The following GRIN2A variants were observed in gnomAD, a reference collection of about 807,000 sequenced individuals.
GRIN2A encodes glutamate ionotropic receptor NMDA type subunit 2A.
In GRIN2A, 22 loss-of-function variants were observed where a neutral mutation model predicts 113.4. The observed-to-expected ratio is 0.19, with a 90% confidence interval of 0.14 to 0.28. The LOEUF is 0.28. Ranked by LOEUF, GRIN2A falls within the 10% of genes least tolerant of loss-of-function variation. The probability of loss-of-function intolerance (pLI) is 1.00; values close to 1 mark genes in which losing one functional copy is unlikely to be tolerated. For missense variants in GRIN2A, 1,502 were observed against 1,887.0 expected (o/e 0.80, Z 3.78); for synonymous variants, 827 against 738.4 (o/e 1.12, Z -1.94).
intron 2 of GRIN2A, among the ~76,000 whole-genome samples, chr16:10,085,082 GGA>G: frequency 6.6e-6 from 1 of 152,306 alleles, no homozygotes; most frequent in Admixed American, 6.5e-5. Context: ...AGCTTGGCAG[GGA>G]GAGTTTTGGT....
At position 10,180,198 on chromosome 16, in the gene GRIN2A, G is replaced by C; in HGVS notation, c.214C>G (p.Leu72Val). The change falls in exon 2 of 13, where the codon CTG becomes GTG. Residue 72 changes from leucine to valine, a missense_variant. By Grantham distance (32) the Leu-to-Val change is conservative. Coordinates refer to ENST00000330684, the MANE Select transcript of GRIN2A (RefSeq NM_001134407.3). The surrounding 1 kb of genome is among the most constrained non-coding windows in gnomAD (Gnocchi z 7.0). ...GLPLDVNVVA[L>V]LMNRTDPKSL... Reference sequence around the variant, plus strand: ...TTGGGGTCGGTGCGGTTCATCAGCAGAGCTACCACGTTCACGTCCAGGGGC... The same window carrying C: ...TTGGGGTCGGTGCGGTTCATCAGCACAGCTACCACGTTCACGTCCAGGGGC... 1 of 1,614,192 alleles carries C rather than the reference G, an allele frequency of 6.2e-7. No individual in the cohort carries two copies. Among genetic ancestry groups the C allele is most frequent in the Non-Finnish European group, 8.5e-7 (1 of 1,180,050 alleles).
chr16:10,155,920 A>G (rs919785618), intron 2 of GRIN2A, among the ~76,000 whole-genome samples: 2 of 152,206 alleles, frequency 1.3e-5, no homozygotes, highest in Non-Finnish European at 2.9e-5. Flanking sequence ...GGAAGCTACA[A>G]TTCAAGGTGA....
intron 11 of GRIN2A, among the ~76,000 whole-genome samples, chr16:9,773,035 G>A (rs781219003): frequency 6.3e-4 from 95 of 151,284 alleles, no homozygotes; most frequent in Non-Finnish European, 9.1e-4. Context: ...TTTGACTAGC[G>A]TACTGAACTG....
intron 4 of GRIN2A, among the ~76,000 whole-genome samples, chr16:9,862,487 G>T (rs886872240): frequency 1.3e-5 from 2 of 152,086 alleles, no homozygotes; most frequent in Non-Finnish European, 2.9e-5. Flanking sequence ...TCCTCTTGAG[G>T]CTCAGCCAAC....
chr16:9,885,728 G>C (rs558959309), intron 4 of GRIN2A, among the ~76,000 whole-genome samples: 2 of 152,298 alleles, frequency 1.3e-5, no homozygotes, highest in Non-Finnish European at 1.5e-5. Context: ...AGTGCTGGGG[G>C]GGCAGCTTTA....
At chr16:9,996,452 G>C (rs543262031) in intron 2 of GRIN2A, among the ~76,000 whole-genome samples, 46 of 152,218 alleles carry the variant, frequency 3.0e-4, no homozygotes, top group African/African-American at 1.1e-3. Context: ...AACTCCAGAA[G>C]ACCTGCTCCT....
In GRIN2A at chr16:9,825,433, T is replaced by G. The variant is rs546444896; in HGVS notation, c.2008-3009A>C. 5.3e-5 allele frequency among the ~76,000 whole-genome samples: 8 copies of G among 152,260 alleles called. No homozygotes were observed. In the East Asian group the frequency reaches 1.2e-3, roughly 22 times the overall value. On this transcript the variant is annotated intron_variant, in intron 9 of 12. Transcript: ENST00000330684. Reference sequence around the variant, plus strand: ...TTTCTAATTTTTTTTCCATCCAATATGGAGGCATGTCTGAAGGTCATCCAA... The same window carrying G: ...TTTCTAATTTTTTTTCCATCCAATAGGGAGGCATGTCTGAAGGTCATCCAA...
chr16:9,805,758 G>A (rs772085396), intron 10 of GRIN2A, among the ~76,000 whole-genome samples: 1 of 152,148 alleles, frequency 6.6e-6, no homozygotes, highest in Non-Finnish European at 1.5e-5. Context: ...AGATTATCTG[G>A]CAGTGGTGGT....
chr16:10,174,457 A>G (rs568739674), intron 2 of GRIN2A, among the ~76,000 whole-genome samples: 58 of 152,364 alleles, frequency 3.8e-4, no homozygotes, highest in African/African-American at 1.3e-3. Context: ...ACATATGTGA[A>G]CATCCAACTA....
At chr16:10,012,486 A>G (rs551657739) in intron 2 of GRIN2A, among the ~76,000 whole-genome samples, 1 of 152,358 alleles carries the variant, frequency 6.6e-6, no homozygotes, top group South Asian at 2.1e-4. Context: ...AGAAGCAGGT[A>G]AAGAAAATAA....
chr16:10,050,888 T>C (rs564290933), intron 2 of GRIN2A, among the ~76,000 whole-genome samples: 3 of 152,254 alleles, frequency 2.0e-5, no homozygotes, highest in Non-Finnish European at 4.4e-5. Context: ...GTGAAACCCA[T>C]TTTGGACTTC....
intron 3 of GRIN2A, among the ~76,000 whole-genome samples, chr16:9,903,453 G>A (rs182192211): frequency 7.0e-4 from 106 of 152,202 alleles, no homozygotes; most frequent in Admixed American, 2.7e-3. Flanking sequence ...ACCATTTATT[G>A]ACTTGATTCA....
intron 2 of GRIN2A, among the ~76,000 whole-genome samples, chr16:10,175,993 A>C (rs2050136979): frequency 6.7e-6 from 1 of 149,358 alleles, no homozygotes; most frequent in Non-Finnish European, 1.5e-5. Flanking sequence ...TATTGATTTT[A>C]ATTTTCCTTC....
chr16:9,767,110 G>A (rs1427465785), intron 12 of GRIN2A, among the ~76,000 whole-genome samples: 2 of 152,212 alleles, frequency 1.3e-5, no homozygotes, highest in African/African-American at 4.8e-5. Flanking sequence ...AATTGGCTGG[G>A]AGAATTAGCT....
chr16:9,759,395 C>T lies in GRIN2A; in HGVS notation c.*3754G>A, dbSNP rs980101069. ...AGAATATTAAATACACATCAGTGGT[C>T]GACATAGCAAATAGAATAAACAATG... On this transcript the variant is annotated 3_prime_UTR_variant, in exon 13 of 13. Coordinates refer to ENST00000330684, the MANE Select transcript of GRIN2A (RefSeq NM_001134407.3). The T allele has an allele frequency of 6.7e-5, 15 of 224,398 alleles. No homozygotes were observed. The highest frequency in any genetic ancestry group is 6.3e-4 in the Admixed American group (11 of 17,522). The allele number at this position is 224,398 out of a possible 1,614,324, so 13.9% of individuals were successfully genotyped here.
intron 2 of GRIN2A, among the ~76,000 whole-genome samples, chr16:10,053,772 C>T (rs1456698569): frequency 6.6e-6 from 1 of 152,122 alleles, no homozygotes; most frequent in African/African-American, 2.4e-5. Flanking sequence ...TTTGTAATGG[C>T]AAGAACCGCA....
intron 2 of GRIN2A, among the ~76,000 whole-genome samples, chr16:9,945,293 T>C (rs1441849961): frequency 6.6e-6 from 1 of 152,024 alleles, no homozygotes; most frequent in African/African-American, 2.4e-5. Context: ...ATCAAAATGA[T>C]ATGAAGAAGG....
intron 2 of GRIN2A, among the ~76,000 whole-genome samples, chr16:10,004,248 G>A (rs944999807): frequency 6.6e-6 from 1 of 151,944 alleles, no homozygotes; most frequent in Non-Finnish European, 1.5e-5. Context: ...AATCAGCTGG[G>A]CATGATGGTG....
intron 11 of GRIN2A, among the ~76,000 whole-genome samples, chr16:9,776,429 A>G (rs926415992): frequency 6.6e-6 from 1 of 151,998 alleles, no homozygotes; most frequent in South Asian, 2.1e-4. Flanking sequence ...ATGACATTGC[A>G]CCAACTGTGG....
Sources: gnomAD v4.1 joint callset for allele counts (sites outside exome capture counted in the v4.1 genomes callset) on GRCh38, gnomAD v4.1.1 for gene constraint, Gnocchi (gnomAD v3.1) non-coding constraint, MANE v1.5 for transcripts, NCBI Gene and HGNC (gene_info 2026-07-23, HGNC 2026-07-21) for gene names.